GRIK1: variants seen among roughly 807,000 people sequenced by gnomAD.
GRIK1 encodes glutamate receptor ionotropic, kainate 1.
Under a neutral mutation model 105.7 loss-of-function variants are expected in GRIK1, and 69 were observed. That is an observed-to-expected ratio of 0.65 (90% CI 0.54 to 0.80). The LOEUF is 0.80. Among genes scored for constraint, GRIK1 ranks in the 30% least tolerant of loss-of-function variants. The pLI, the probability that GRIK1 is intolerant of heterozygous loss-of-function variation, is 0.00. For synonymous variants in GRIK1, 438 were observed against 431.3 expected (o/e 1.02, Z -0.19); for missense variants, 1,109 against 1,167.3 (o/e 0.95, Z 0.73).
intron 1 of GRIK1, among the ~76,000 whole-genome samples, chr21:29,697,151 G>T (rs773256710): frequency 7.9e-5 from 12 of 152,152 alleles, no homozygotes; most frequent in Non-Finnish European, 1.6e-4. Context: ...GTTGTTCTTT[G>T]TCTCATACAT....
At chr21:29,558,797 C>G (rs1382945912) in intron 15 of GRIK1, among the ~76,000 whole-genome samples, 1 of 151,726 alleles carries the variant, frequency 6.6e-6, no homozygotes, top group East Asian at 1.9e-4. Context: ...AAGCAGGTAG[C>G]GATTTTCAAA....
chr21:29,815,983 A>G (rs996002966), intron 1 of GRIK1, among the ~76,000 whole-genome samples: 8 of 152,148 alleles, frequency 5.3e-5, no homozygotes, highest in African/African-American at 1.9e-4. Context: ...TGCACAGTAA[A>G]GGAAATAATC....
intron 1 of GRIK1, among the ~76,000 whole-genome samples, chr21:29,756,842 G>T (rs551596337): frequency 6.6e-6 from 1 of 152,084 alleles, no homozygotes; most frequent in Admixed American, 6.6e-5. Flanking sequence ...GGCCGGGCGC[G>T]GTGGCTCACA....
At position 29,667,024 on chromosome 21, in the gene GRIK1, C is replaced by T. The variant is rs9917538; in HGVS notation, c.726+5959G>A. On this transcript the variant is annotated intron_variant, in intron 4 of 17. Transcript: ENST00000327783. Reference sequence around the variant, plus strand: ...TTAAATGACTGATGCATTTAAGCTGCTTAGCACAGTGCCAGCATACGGTAC... The same window carrying T: ...TTAAATGACTGATGCATTTAAGCTGTTTAGCACAGTGCCAGCATACGGTAC... Among the ~76,000 whole-genome samples the T allele has an allele frequency of 3.5e-3, 527 of 152,280 alleles. 3 individuals carry two copies. Among genetic ancestry groups the T allele is most frequent in the African/African-American group, 0.012 (503 of 41,546 alleles).
chr21:29,909,542 T>G (rs1423641572), intron 1 of GRIK1, among the ~76,000 whole-genome samples: 7 of 152,142 alleles, frequency 4.6e-5, no homozygotes, highest in Non-Finnish European at 1.0e-4. Context: ...CTCATGAGTT[T>G]GATATCTTTC....
intron 4 of GRIK1, among the ~76,000 whole-genome samples, chr21:29,655,804 G>A (rs1468744632): frequency 1.3e-5 from 2 of 151,862 alleles, no homozygotes; most frequent in Admixed American, 1.3e-4. Context: ...TAATAGTTCC[G>A]GACATTCTGT....
intron 15 of GRIK1, among the ~76,000 whole-genome samples, chr21:29,560,429 CTT>C (rs1250765716): frequency 7.8e-6 from 1 of 128,492 alleles, no homozygotes; most frequent in Non-Finnish European, 1.6e-5. Flanking sequence ...TTCTTTCTTT[CTT>C]TCTTTCTTTT....
intron 1 of GRIK1, among the ~76,000 whole-genome samples, chr21:29,827,582 G>A (rs561832377): frequency 1.2e-4 from 18 of 152,060 alleles, no homozygotes; most frequent in African/African-American, 3.1e-4. Flanking sequence ...CATAACTGTC[G>A]TAAATGACTC....
intron 1 of GRIK1, among the ~76,000 whole-genome samples, chr21:29,796,677 G>A (rs1208986831): frequency 1.3e-5 from 2 of 152,018 alleles, no homozygotes; most frequent in Admixed American, 6.6e-5. Context: ...GGATGGGTGA[G>A]GTAGCTCACA....
chr21:29,740,163 C>T (rs1173631934), intron 1 of GRIK1, among the ~76,000 whole-genome samples: 1 of 152,038 alleles, frequency 6.6e-6, no homozygotes, highest in Non-Finnish European at 1.5e-5. Context: ...CATCAATCCC[C>T]CACATGGTCC....
chr21:29,888,943 A>G (rs903033730), intron 1 of GRIK1, among the ~76,000 whole-genome samples: 1 of 152,126 alleles, frequency 6.6e-6, no homozygotes, highest in Non-Finnish European at 1.5e-5. Context: ...AAAATATTCC[A>G]TCCTGTTTTT....
At chr21:29,914,219 A>C (rs1488905194) in intron 1 of GRIK1, among the ~76,000 whole-genome samples, 1 of 152,070 alleles carries the variant, frequency 6.6e-6, no homozygotes, top group Non-Finnish European at 1.5e-5. Context: ...CTGGGAAGGC[A>C]TTGGGAGTAC....
At chr21:29,680,052 G>A (rs1334315874) in intron 3 of GRIK1, among the ~76,000 whole-genome samples, 1 of 152,176 alleles carries the variant, frequency 6.6e-6, no homozygotes, top group African/African-American at 2.4e-5. Context: ...AACCTGAGGT[G>A]TCCCAAGTTT....
chr21:29,863,145 T>A (rs1228892601), intron 1 of GRIK1, among the ~76,000 whole-genome samples: 2 of 152,228 alleles, frequency 1.3e-5, no homozygotes, highest in South Asian at 2.1e-4. Context: ...AAAATCATAT[T>A]CTGATACTTC....
chr21:29,743,573 T>C (rs555591591), intron 1 of GRIK1, among the ~76,000 whole-genome samples: 59 of 152,114 alleles, frequency 3.9e-4, no homozygotes, highest in Non-Finnish European at 7.6e-4. Context: ...CATGCACCTG[T>C]AGTCCTAGCT....
rs1021002022 is a variant in GRIK1, at chr21:29,866,275, C to G, written c.118+73108G>C. Among the ~76,000 whole-genome samples the G allele has an allele frequency of 7.0e-4, 107 of 152,200 alleles. 1 individual carries two copies. The highest frequency in any genetic ancestry group is 2.4e-3 in the African/African-American group (101 of 41,524). On this transcript the variant is annotated intron_variant, in intron 1 of 17. Coordinates refer to ENST00000327783, the MANE Select transcript of GRIK1 (RefSeq NM_001330994.2). ...TAACTTTTGTAATTTTTTGTAGAGA[C>G]AGGGTCTTGAACTCCTAAGCTAAAG...
At chr21:29,739,791 G>A (rs544566643) in intron 1 of GRIK1, among the ~76,000 whole-genome samples, 2 of 152,112 alleles carry the variant, frequency 1.3e-5, no homozygotes, top group East Asian at 1.9e-4. Context: ...GAATATAAAC[G>A]CCAGTGTGAT....
chr21:29,604,025 G>T (rs1174135572), intron 7 of GRIK1, among the ~76,000 whole-genome samples: 1 of 152,170 alleles, frequency 6.6e-6, no homozygotes, highest in African/African-American at 2.4e-5. Context: ...AAAATGTACA[G>T]AATTGGTAGC....
chr21:29,764,627 T>C (rs1449991196), intron 1 of GRIK1, among the ~76,000 whole-genome samples: 1 of 152,106 alleles, frequency 6.6e-6, no homozygotes, highest in South Asian at 2.1e-4. Flanking sequence ...CTAGGCAAGG[T>C]CAGTAGTGAA....
Sources: allele counts gnomAD v4.1 joint callset (sites outside exome capture counted in the v4.1 genomes callset), GRCh38; gene constraint gnomAD v4.1.1; transcripts MANE v1.5; gene names NCBI Gene and HGNC (gene_info 2026-07-23, HGNC 2026-07-21).